SOX5: variants seen among roughly 807,000 people sequenced by gnomAD.
SOX5 encodes the protein SRY-box transcription factor 5.
In SOX5, 9 loss-of-function variants were observed where a neutral mutation model predicts 92.0. The observed-to-expected ratio is 0.10, with a 90% CI of 0.06 to 0.17. The LOEUF (loss-of-function observed/expected upper bound fraction) is 0.17, where lower values mean the gene tolerates loss of function less well. Ranked by LOEUF, SOX5 falls within the 10% of genes least tolerant of loss-of-function variation. The pLI is 1.00. For synonymous variants in SOX5, 344 were observed against 336.3 expected, an observed-to-expected ratio of 1.02 and a Z score of -0.25; for missense variants, 642 against 944.5, an observed-to-expected ratio of 0.68 and a Z score of 4.20.
At chr12:24,296,891 G>A (rs1206004065) in intron 2 of SOX5, among the ~76,000 whole-genome samples, 2 of 149,274 alleles carry the variant, frequency 1.3e-5, no homozygotes, top group South Asian at 4.3e-4. Flanking sequence ...CTGCCACCTG[G>A]ATACTTGCAG....
chr12:23,546,281 C>A, intron 12 of SOX5, 35 bp downstream of exon 12: 1 of 1,206,010 alleles, frequency 8.3e-7, no homozygotes, highest in Non-Finnish European at 1.2e-6. Context: ...CACTTTCTTG[C>A]ATTATTAGAA....
chr12:24,200,159 G>A (rs1408531072), intron 4 of SOX5, among the ~76,000 whole-genome samples: 1 of 152,140 alleles, frequency 6.6e-6, no homozygotes, highest in Non-Finnish European at 1.5e-5. Flanking sequence ...ATGCCATAGT[G>A]AAAAGAAAAC....
chr12:24,044,695 G>C (rs1327115328), intron 4 of SOX5, among the ~76,000 whole-genome samples: 1 of 152,120 alleles, frequency 6.6e-6, no homozygotes, highest in Non-Finnish European at 1.5e-5. Context: ...TCTTCATAAG[G>C]ATTTCTACAA....
chr12:24,551,470 C>G (rs1953156159), intron 1 of SOX5, among the ~76,000 whole-genome samples: 1 of 152,220 alleles, frequency 6.6e-6, no homozygotes, highest in East Asian at 1.9e-4. Context: ...TTTAGCTTCT[C>G]TCTTTACAAG....
intron 4 of SOX5, among the ~76,000 whole-genome samples, chr12:24,071,236 T>C (rs1941728014): frequency 6.6e-6 from 1 of 152,190 alleles, no homozygotes; most frequent in South Asian, 2.1e-4. Flanking sequence ...GCTCACAAAA[T>C]AACAGTGTTA....
intron 4 of SOX5, among the ~76,000 whole-genome samples, chr12:24,111,553 G>A (rs1043642608): frequency 4.6e-5 from 7 of 152,096 alleles, no homozygotes; most frequent in South Asian, 2.1e-4. Context: ...CAAAATCGAT[G>A]TTTCTCAAAT....
chr12:23,903,593 C>CT (rs1246585624), intron 1 of SOX5, among the ~76,000 whole-genome samples: 1 of 152,088 alleles, frequency 6.6e-6, no homozygotes, highest in Non-Finnish European at 1.5e-5. Context: ...AAAAAAAACT[C>CT]TTTTAATTAA....
At chr12:23,859,900 A>C (rs1210124802) in intron 2 of SOX5, among the ~76,000 whole-genome samples, 1 of 152,168 alleles carries the variant, frequency 6.6e-6, no homozygotes, top group African/African-American at 2.4e-5. Flanking sequence ...GAATTAACCT[A>C]AATGCCCATA....
chr12:23,667,950 T>C (rs1236769225), intron 6 of SOX5, among the ~76,000 whole-genome samples: 2 of 152,238 alleles, frequency 1.3e-5, no homozygotes, highest in African/African-American at 4.8e-5. Flanking sequence ...CAAATTTGCC[T>C]ATTGGCTGAA....
At chr12:24,521,343 C>T (rs1339397942) in intron 1 of SOX5, among the ~76,000 whole-genome samples, 2 of 152,196 alleles carry the variant, frequency 1.3e-5, no homozygotes, top group African/African-American at 4.8e-5. Flanking sequence ...GCGTGAGCCA[C>T]CACACCTGGC....
chr12:23,694,022 T>C, intron 6 of SOX5, among the ~76,000 whole-genome samples: 1 of 152,192 alleles, frequency 6.6e-6, no homozygotes, highest in Non-Finnish European at 1.5e-5. Context: ...TGCTTTGCTC[T>C]GAAAGATAAA....
intron 1 of SOX5, among the ~76,000 whole-genome samples, chr12:24,370,375 G>A (rs1422838760): frequency 1.3e-5 from 2 of 150,146 alleles, no homozygotes; most frequent in East Asian, 3.9e-4. Context: ...TGCTCAGGAG[G>A]CCGAGGCAGG....
chr12:23,868,669 G>C (rs1037601252), intron 2 of SOX5, among the ~76,000 whole-genome samples: 1 of 152,156 alleles, frequency 6.6e-6, no homozygotes, highest in East Asian at 1.9e-4. Context: ...ACATCTTGGA[G>C]GGATTTTCTT....
intron 1 of SOX5, among the ~76,000 whole-genome samples, chr12:24,502,067 C>T (rs939792362): frequency 6.6e-6 from 1 of 152,180 alleles, no homozygotes; most frequent in Non-Finnish European, 1.5e-5. Context: ...GCCTTCCAGG[C>T]TCCACCTACA....
At chr12:24,363,242 C>CA (rs937963388) in intron 2 of SOX5, among the ~76,000 whole-genome samples, 4 of 150,480 alleles carry the variant, frequency 2.7e-5, no homozygotes, top group Non-Finnish European at 4.4e-5. Flanking sequence ...TTTTACTGAG[C>CA]AAAAAAAAAT....
intron 1 of SOX5, among the ~76,000 whole-genome samples, chr12:23,916,091 A>G (rs989942560): frequency 3.3e-5 from 5 of 152,328 alleles, no homozygotes; most frequent in African/African-American, 1.2e-4. Flanking sequence ...AGAAATAAGA[A>G]TGAAAAAAGA....
intron 3 of SOX5, among the ~76,000 whole-genome samples, chr12:23,779,814 T>TAAAC: frequency 9.0e-6 from 1 of 110,802 alleles, no homozygotes; most frequent in East Asian, 2.7e-4. Context: ...TATATATATA[T>TAAAC]ACACACACAC....
At chr12:23,827,603 C>T (rs2096253026) in intron 3 of SOX5, among the ~76,000 whole-genome samples, 1 of 152,150 alleles carries the variant, frequency 6.6e-6, no homozygotes, top group Non-Finnish European at 1.5e-5. Context: ...CCAGCAGCAA[C>T]TAAGTGAACA....
intron 8 of SOX5, among the ~76,000 whole-genome samples, chr12:23,614,778 T>C (rs944344630): frequency 6.6e-6 from 1 of 152,148 alleles, no homozygotes; most frequent in Non-Finnish European, 1.5e-5. Context: ...CATAGCAACG[T>C]ATGAAGATTC....
Sources: allele counts gnomAD v4.1 joint callset (sites outside exome capture counted in the v4.1 genomes callset), GRCh38; gene constraint gnomAD v4.1.1; transcripts MANE v1.5; gene names NCBI Gene and HGNC (gene_info 2026-07-23, HGNC 2026-07-21).